Variants in USP25 observed in about 807,000 individuals in gnomAD.
USP25 encodes the protein ubiquitin carboxyl-terminal hydrolase 25.
USP25 carries 85 observed loss-of-function variants against 158.5 expected under a neutral mutation model. The ratio of observed to expected loss-of-function variants is 0.54; its 90% CI spans 0.45 to 0.64. The LOEUF is 0.64. USP25 is among the 30% of genes least tolerant of loss of function. The pLI is 0.00. For synonymous variants in USP25, 464 were observed against 460.4 expected, an observed-to-expected ratio of 1.01 and a Z score of -0.10; for missense variants, 1,242 against 1,327.3, an observed-to-expected ratio of 0.94 and a Z score of 1.00.
intron 4 of USP25, among the ~76,000 whole-genome samples, chr21:15,788,679 A>G (rs1029136458): frequency 6.6e-6 from 1 of 152,050 alleles, no homozygotes; most frequent in Non-Finnish European, 1.5e-5. Flanking sequence ...GGGTCAGGAA[A>G]TCATGGCATT....
At chr21:15,854,765 AGGCCATCATCCCAC>A (rs1172160918) in intron 20 of USP25, among the ~76,000 whole-genome samples, 1 of 152,162 alleles carries the variant, frequency 6.6e-6, no homozygotes, top group Non-Finnish European at 1.5e-5. Flanking sequence ...TTTCAACCAC[AGGCCATCATCCCAC>A]GTGAACGTCT....
At chr21:15,818,499 A>T (rs1264167140) in intron 9 of USP25, among the ~76,000 whole-genome samples, 199 bp from the exon 10 acceptor site, 1 of 152,138 alleles carries the variant, frequency 6.6e-6, no homozygotes, top group Non-Finnish European at 1.5e-5. Context: ...ATATATGTGG[A>T]TGTGTAATAT....
intron 17 of USP25, among the ~76,000 whole-genome samples, chr21:15,836,496 C>T: frequency 6.6e-6 from 1 of 151,822 alleles, no homozygotes; most frequent in Non-Finnish European, 1.5e-5. Context: ...GCCAGCCATT[C>T]TTTGCTGTCA....
At chr21:15,860,709 A>G (rs1357477163) in intron 20 of USP25, among the ~76,000 whole-genome samples, 1 of 152,114 alleles carries the variant, frequency 6.6e-6, no homozygotes, top group African/African-American at 2.4e-5. Context: ...CAGTTTTTAA[A>G]AAATAGCCCA....
Position 15,826,897 on chromosome 21 carries a change from A to T in USP25, c.1467-80A>T. The T allele has an allele frequency of 7.0e-7, 1 of 1,421,696 alleles. No homozygotes were observed. 88.1% of individuals were successfully genotyped at this position (1,421,696 alleles called of 1,614,324 possible). A position where few individuals can be genotyped will look rare whatever the true frequency, so the allele number is the denominator to read the frequency against. ...TTTCTTTTGAATTACAAGCCAATTT[A>T]ATACTGTGGGTTTGGCACGATCTTT... On this transcript the variant is annotated intron_variant, in intron 13 of 25. Transcript: ENST00000400183. This position sits in a 1 kb window ranked among gnomAD's most constrained non-coding sequence, Gnocchi z 4.8.
chr21:15,787,788 G>C lies in USP25; in HGVS notation c.393-3714G>C, dbSNP rs115472036. Reference sequence around the variant, plus strand: ...TTAAAGTGTATGCATGTTTCTCAGTGAGTGTAATACTTCCCAAAAAGGGGC... The same window carrying C: ...TTAAAGTGTATGCATGTTTCTCAGTCAGTGTAATACTTCCCAAAAAGGGGC... On this transcript the variant is annotated intron_variant, in intron 4 of 25. Transcript: ENST00000400183. Among the ~76,000 whole-genome samples, 327 of 151,516 alleles carry C rather than the reference G, an allele frequency of 2.2e-3. 4 individuals carry two copies. Among genetic ancestry groups the C allele is most frequent in the African/African-American group, 7.7e-3 (317 of 41,280 alleles).
intron 4 of USP25, among the ~76,000 whole-genome samples, chr21:15,790,707 G>A (rs1856170079): frequency 6.6e-6 from 1 of 150,686 alleles, no homozygotes; most frequent in Admixed American, 6.6e-5. Flanking sequence ...TCTTGAGCAG[G>A]CAAAATGCTT....
intron 4 of USP25, 43 bp downstream of exon 4, chr21:15,778,070 A>C: frequency 6.8e-7 from 1 of 1,476,504 alleles, no homozygotes; most frequent in East Asian, 2.4e-5. Context: ...GTACTTTTAA[A>C]AATAGAAATC....
In USP25 at chr21:15,839,436, G is replaced by T. The variant is rs1412816839; in HGVS notation, c.2195-2962G>T. Among the ~76,000 whole-genome samples, 12 of 152,276 alleles carry T rather than the reference G, an allele frequency of 7.9e-5. No individual in the cohort carries two copies. The East Asian group carries it at 1.3e-3, about 17-fold the overall frequency. The stretch of plus-strand genomic sequence containing the variant: ...AGAAATTACTAAAGTGTATGGTAGG[G>T]TATTAGTTGCGTGAGCCTTCCATAC... On this transcript the variant is annotated intron_variant, in intron 17 of 25. Coordinates refer to ENST00000400183, the MANE Select transcript of USP25 (RefSeq NM_001283041.3).
At chr21:15,862,561 C>T (rs1465416087) in intron 20 of USP25, among the ~76,000 whole-genome samples, 2 of 148,974 alleles carry the variant, frequency 1.3e-5, no homozygotes, top group Non-Finnish European at 3.0e-5. Context: ...TTTGGTCTCC[C>T]CCCTTCCCCG....
chr21:15,852,941 T>C (rs1010410230), intron 20 of USP25, among the ~76,000 whole-genome samples: 1 of 152,140 alleles, frequency 6.6e-6, no homozygotes, highest in Non-Finnish European at 1.5e-5. Context: ...TGGACACAAC[T>C]CTAGCTGATA....
intron 24 of USP25, 123 bp downstream of exon 24, chr21:15,874,649 A>G (rs1315637768): frequency 1.0e-6 from 1 of 994,648 alleles, no homozygotes. Flanking sequence ...TGATGTCTAT[A>G]AACTGGTTCT....
At chr21:15,851,217 C>G (rs1336346570) in intron 20 of USP25, among the ~76,000 whole-genome samples, 1 of 151,668 alleles carries the variant, frequency 6.6e-6, no homozygotes, top group African/African-American at 2.4e-5. Context: ...CAGATTGGGT[C>G]TTCTTATGTT....
chr21:15,781,470 G>A (rs1374887090), intron 4 of USP25, among the ~76,000 whole-genome samples: 1 of 152,176 alleles, frequency 6.6e-6, no homozygotes, highest in Non-Finnish European at 1.5e-5. Flanking sequence ...CTGATGGGAA[G>A]TGATGTCAGC....
Position 15,849,761 on chromosome 21 carries a change from C to T in USP25, c.2452-16C>T, listed in dbSNP as rs183182252. Reference sequence around the variant, plus strand: ...TTTAAAAACCTTTTTTTAATGTTAACTATCTTCTGTGGCAGATCATGATGA... The same window carrying T: ...TTTAAAAACCTTTTTTTAATGTTAATTATCTTCTGTGGCAGATCATGATGA... On this transcript the variant is annotated splice_polypyrimidine_tract_variant and intron_variant, in intron 19 of 25. Coordinates refer to ENST00000400183, the MANE Select transcript of USP25 (RefSeq NM_001283041.3). 7,224 of 1,506,660 alleles carry T rather than the reference C, an allele frequency of 4.8e-3. 76 individuals carry two copies. Among genetic ancestry groups the T allele is most frequent in the South Asian group, 0.026 (1,976 of 76,316 alleles). 93.3% of individuals were successfully genotyped at this position (1,506,660 alleles called of 1,614,324 possible).
chr21:15,730,820 G>A (rs543043040), intron 1 of USP25, among the ~76,000 whole-genome samples: 1 of 152,158 alleles, frequency 6.6e-6, no homozygotes, highest in Non-Finnish European at 1.5e-5. Context: ...TTCAAAGGTA[G>A]TAGTGTACCA....
In USP25 at chr21:15,879,352, A is replaced by G. The variant is rs2040211474; in HGVS notation, c.*877A>G. On this transcript the variant is annotated 3_prime_UTR_variant, in exon 26 of 26. Coordinates refer to ENST00000400183, the MANE Select transcript of USP25 (RefSeq NM_001283041.3). ...CATATATACACATACACACATGTATATATATATTCTTCATAATGGAGGACA... is the reference window on the plus strand; with the variant it reads ...CATATATACACATACACACATGTATGTATATATTCTTCATAATGGAGGACA... 1 of 152,504 alleles carries G rather than the reference A, an allele frequency of 6.6e-6. No individual in the cohort carries two copies. Among genetic ancestry groups the G allele is most frequent in the Admixed American group, 6.5e-5 (1 of 15,272 alleles). The allele number at this position is 152,504 out of a possible 1,614,324, so 9.4% of individuals were successfully genotyped here.
intron 1 of USP25, among the ~76,000 whole-genome samples, chr21:15,738,113 C>T (rs2031697187): frequency 6.6e-6 from 1 of 152,096 alleles, no homozygotes; most frequent in Non-Finnish European, 1.5e-5. Flanking sequence ...AATTGATAGG[C>T]CATCTTTGTC....
intron 23 of USP25, among the ~76,000 whole-genome samples, chr21:15,872,301 A>C (rs923186914): frequency 8.6e-5 from 13 of 152,030 alleles, no homozygotes; most frequent in Admixed American, 7.9e-4. Context: ...TCTTATTCTA[A>C]ATTTATTTGA....
Sources: allele counts gnomAD v4.1 joint callset (sites outside exome capture counted in the v4.1 genomes callset), GRCh38; gene constraint gnomAD v4.1.1; non-coding constraint Gnocchi (gnomAD v3.1); transcripts MANE v1.5; gene names NCBI Gene and HGNC (gene_info 2026-07-23, HGNC 2026-07-21).